TTLL1: variants seen among roughly 807,000 people sequenced by gnomAD.
The protein encoded by TTLL1 is TTL family tubulin polyglutamylase complex subunit L1.
A neutral mutation model predicts 47.8 loss-of-function variants in TTLL1; 33 were observed. The observed-to-expected ratio is 0.69, with a 90% CI of 0.52 to 0.92. The LOEUF is 0.92. Among genes scored for constraint, TTLL1 ranks in the 40% least tolerant of loss-of-function variants. The pLI is 0.00. For missense variants in TTLL1, 488 were observed against 547.5 expected (o/e 0.89, Z 1.08); for synonymous variants, 225 against 214.1 (o/e 1.05, Z -0.45).
At chr22:43,054,144 C>G (rs779807691) in intron 8 of TTLL1, among the ~76,000 whole-genome samples, 8 of 152,284 alleles carry the variant, frequency 5.3e-5, no homozygotes, top group Non-Finnish European at 7.4e-5. Context: ...ATGGTGGGGC[C>G]TGGCATGGAA....
intron 8 of TTLL1, among the ~76,000 whole-genome samples, chr22:43,052,632 T>C (rs371275971): frequency 1.9e-4 from 29 of 152,036 alleles, no homozygotes; most frequent in African/African-American, 7.0e-4. Flanking sequence ...TCCCAGCTAC[T>C]CGGGACAGCT....
At chr22:43,070,168 T>C (rs1363082376) in intron 3 of TTLL1, 1 of 1,382,230 alleles carries the variant, frequency 7.2e-7, no homozygotes, top group African/African-American at 1.5e-5. Context: ...ATAAAAGATA[T>C]ACCCTTTTCA....
intron 3 of TTLL1, among the ~76,000 whole-genome samples, chr22:43,071,941 C>CA (rs1184940854): frequency 3.9e-5 from 6 of 152,186 alleles, no homozygotes; most frequent in African/African-American, 1.4e-4. Context: ...GCCGCTGTGG[C>CA]ACGAGGGCTT....
At chr22:43,079,161 C>A (rs866800924) in intron 2 of TTLL1, among the ~76,000 whole-genome samples, 1 of 121,286 alleles carries the variant, frequency 8.2e-6, no homozygotes, top group Non-Finnish European at 1.8e-5. Flanking sequence ...GTGAGCCCAT[C>A]CTACACCCCT....
chr22:43,053,446 C>T (rs1421015162), intron 8 of TTLL1, among the ~76,000 whole-genome samples: 1 of 152,130 alleles, frequency 6.6e-6, no homozygotes, highest in Non-Finnish European at 1.5e-5. Flanking sequence ...GATTACTGTC[C>T]CAGAAAATGT....
intron 9 of TTLL1, 94 bp downstream of exon 9, chr22:43,051,707 T>G (rs1926633613): frequency 8.4e-7 from 1 of 1,194,666 alleles, no homozygotes; most frequent in African/African-American, 1.5e-5. Context: ...CTGAGAAACA[T>G]CTGGGGCCTG....
chr22:43,082,493 A>G (rs946921975), intron 1 of TTLL1, among the ~76,000 whole-genome samples: 4 of 152,098 alleles, frequency 2.6e-5, no homozygotes, highest in African/African-American at 7.2e-5. Flanking sequence ...AGGTGGGTGG[A>G]TCACCTAAGG....
intron 1 of TTLL1, among the ~76,000 whole-genome samples, chr22:43,084,427 G>C (rs1410295304): frequency 1.3e-5 from 2 of 152,140 alleles, no homozygotes; most frequent in African/African-American, 4.8e-5. Flanking sequence ...TGGGATTACA[G>C]GTGGCTCAGA....
chr22:43,085,543 T>C (rs1043872311), intron 1 of TTLL1, among the ~76,000 whole-genome samples: 1 of 152,168 alleles, frequency 6.6e-6, no homozygotes, highest in Non-Finnish European at 1.5e-5. Context: ...GTTTTATAAA[T>C]GCGAGTTCCC....
At chr22:43,069,170 T>C (rs1490083459) in intron 4 of TTLL1, among the ~76,000 whole-genome samples, 2 of 145,122 alleles carry the variant, frequency 1.4e-5, no homozygotes, top group Non-Finnish European at 3.0e-5. Context: ...AGGTCAGGAG[T>C]TCGAGACCAG....
In TTLL1 at chr22:43,072,993, T is replaced by C. The variant is rs940936437; in HGVS notation, c.113+2481A>G. Reference sequence around the variant, plus strand: ...ATGAACTTATAAATTCAAATACATATGATAAGTTTCAATTCATTGCAATTA... The same window carrying C: ...ATGAACTTATAAATTCAAATACATACGATAAGTTTCAATTCATTGCAATTA... On this transcript the variant is annotated intron_variant, in intron 3 of 10. Transcript: ENST00000266254. 5.9e-5 allele frequency among the ~76,000 whole-genome samples: 9 copies of C among 152,282 alleles called. No homozygotes were observed. The South Asian group carries it at 1.2e-3, about 21-fold the overall frequency.
chr22:43,081,602 T>G (rs1343434547), intron 1 of TTLL1, among the ~76,000 whole-genome samples: 7 of 152,062 alleles, frequency 4.6e-5, no homozygotes, highest in African/African-American at 1.4e-4. Flanking sequence ...CAGGCTGGAG[T>G]GCAGTGGCGC....
chr22:43,057,954 T>TA (rs1569424368), intron 8 of TTLL1, among the ~76,000 whole-genome samples: 74 of 102,022 alleles, frequency 7.3e-4, no homozygotes, highest in South Asian at 3.8e-3. Context: ...ATATATATAT[T>TA]TTTTTTTTTC....
At chr22:43,074,777 T>G (rs994525703) in intron 3 of TTLL1, among the ~76,000 whole-genome samples, 3 of 151,926 alleles carry the variant, frequency 2.0e-5, no homozygotes, top group Non-Finnish European at 4.4e-5. Flanking sequence ...TGGTGGCTCA[T>G]GCCTGTAATC....
At chr22:43,088,579 G>A (rs1017300689) in intron 1 of TTLL1, among the ~76,000 whole-genome samples, 4 of 150,820 alleles carry the variant, frequency 2.7e-5, no homozygotes, top group African/African-American at 9.8e-5. Flanking sequence ...TCCTGACCTC[G>A]TGATCCTCCC....
Position 43,051,813 on chromosome 22 carries a change from G to A in TTLL1, c.966C>T (p.Pro322=), listed in dbSNP as rs762996846. The change falls in exon 9 of 11, where the codon CCC becomes CCT. Residue 322 remains proline (P), a synonymous_variant. Transcript: ENST00000266254. ...CTCCCGCAGTTACCTCGATCAGCCA[G>A]GGCTTCAGCTTGTCGTCGATGATGA... ...YDIIIDDKLK[P]WLIEVNASPS... The A allele has an allele frequency of 6.2e-7, 1 of 1,614,034 alleles. No individual in the cohort carries two copies. The highest frequency in any genetic ancestry group is 1.1e-5 in the South Asian group (1 of 91,076).
chr22:43,087,711 G>A (rs1185557313), intron 1 of TTLL1, among the ~76,000 whole-genome samples: 1 of 150,540 alleles, frequency 6.6e-6, no homozygotes, highest in African/African-American at 2.4e-5. Flanking sequence ...GGTGGTGGGC[G>A]CCTGTAATCC....
At chr22:43,074,180 A>G (rs1928323558) in intron 3 of TTLL1, among the ~76,000 whole-genome samples, 1 of 151,632 alleles carries the variant, frequency 6.6e-6, no homozygotes, top group Non-Finnish European at 1.5e-5. Context: ...TAATCCTAGC[A>G]CTTTGGGAGG....
intron 2 of TTLL1, among the ~76,000 whole-genome samples, chr22:43,079,480 C>A (rs1928742312): frequency 6.6e-6 from 1 of 152,250 alleles, no homozygotes; most frequent in South Asian, 2.1e-4. Flanking sequence ...TTCATTTTCA[C>A]TATGTGATTT....
Sources: allele counts gnomAD v4.1 joint callset (sites outside exome capture counted in the v4.1 genomes callset), GRCh38; gene constraint gnomAD v4.1.1; transcripts MANE v1.5; gene names NCBI Gene and HGNC (gene_info 2026-07-23, HGNC 2026-07-21).